CTNNBL1: variants seen among roughly 807,000 people sequenced by gnomAD.
CTNNBL1 encodes the protein beta-catenin-like protein 1.
Under a neutral mutation model 72.7 loss-of-function variants are expected in CTNNBL1, and 31 were observed. The ratio of observed to expected loss-of-function variants is 0.43; its 90% CI spans 0.32 to 0.58. The LOEUF is 0.58. Among genes scored for constraint, CTNNBL1 ranks in the 20% least tolerant of loss-of-function variants. The pLI, the probability that CTNNBL1 is intolerant of heterozygous loss-of-function variation, is 0.08. For missense variants in CTNNBL1, 534 were observed against 725.1 expected, an observed-to-expected ratio of 0.74 and a Z score of 3.03; for synonymous variants, 240 against 267.3, an observed-to-expected ratio of 0.90 and a Z score of 1.00.
intron 13 of CTNNBL1, among the ~76,000 whole-genome samples, chr20:37,845,738 T>C (rs148020990): frequency 8.3e-4 from 126 of 152,326 alleles, no homozygotes; most frequent in African/African-American, 2.9e-3. Context: ...TAAATTTGAA[T>C]GTCCTACACC....
At chr20:37,853,648 T>G (rs1025758972) in intron 13 of CTNNBL1, among the ~76,000 whole-genome samples, 4 of 152,250 alleles carry the variant, frequency 2.6e-5, no homozygotes, top group Non-Finnish European at 4.4e-5. Flanking sequence ...AAGTTGACAC[T>G]GTCTGTATGG....
intron 11 of CTNNBL1, among the ~76,000 whole-genome samples, chr20:37,827,407 A>AGAG (rs2072169591): frequency 6.6e-6 from 1 of 152,186 alleles, no homozygotes; most frequent in South Asian, 2.1e-4. Flanking sequence ...TTGAACTGAG[A>AGAG]GAGGACCTTA....
At chr20:37,713,700 C>G (rs2072960139) in intron 1 of CTNNBL1, among the ~76,000 whole-genome samples, 1 of 152,182 alleles carries the variant, frequency 6.6e-6, no homozygotes. Flanking sequence ...CAGGGTGTCA[C>G]AGGGATGGCG....
intron 10 of CTNNBL1, among the ~76,000 whole-genome samples, chr20:37,779,738 G>A (rs577207816): frequency 4.6e-5 from 7 of 152,038 alleles, no homozygotes; most frequent in East Asian, 1.9e-4. Flanking sequence ...TGAAAGCAGC[G>A]TATCATTCAT....
At chr20:37,860,221 G>T (rs756900570) in intron 14 of CTNNBL1, 51 bp from the exon 15 acceptor site, 6 of 1,542,846 alleles carry the variant, frequency 3.9e-6, no homozygotes, top group Non-Finnish European at 3.6e-6. Flanking sequence ...ATTCTGGTGT[G>T]TCAGGACAAA....
chr20:37,798,989 CTG>C lies in CTNNBL1; in HGVS notation c.1032-3876_1032-3875del, dbSNP rs537035147. Among the ~76,000 whole-genome samples the C allele has an allele frequency of 2.3e-3, 353 of 152,304 alleles. 3 individuals are homozygous for C. Among genetic ancestry groups the C allele is most frequent in the African/African-American group, 8.0e-3 (334 of 41,554 alleles). Reference sequence around the variant, plus strand: ...GTCCAGCTGCAGTGAAAACAAGTCTCTGTTAGAATTTTCATCTTAATACAAAA... The same window carrying C: ...GTCCAGCTGCAGTGAAAACAAGTCTCTTAGAATTTTCATCTTAATACAAAA... On this transcript the variant is annotated intron_variant, in intron 10 of 15. Coordinates refer to ENST00000361383, the MANE Select transcript of CTNNBL1 (RefSeq NM_030877.5).
In CTNNBL1 at chr20:37,775,898, C is replaced by T. The variant is rs141822742; in HGVS notation, c.751-1447C>T. On this transcript the variant is annotated intron_variant, in intron 7 of 15. Coordinates refer to ENST00000361383, the MANE Select transcript of CTNNBL1 (RefSeq NM_030877.5). ...GTCTTGTTTTAAACAAGAACCATGG[C>T]CCTTGCAATGCTAATGTATAAGTTG... 8.0e-3 allele frequency among the ~76,000 whole-genome samples: 1,214 copies of T among 152,274 alleles called. 11 individuals carry two copies. Among genetic ancestry groups the T allele is most frequent in the South Asian group, 0.047 (227 of 4,824 alleles).
chr20:37,824,227 G>A (rs147617078), intron 11 of CTNNBL1, among the ~76,000 whole-genome samples: 271 of 152,356 alleles, frequency 1.8e-3, no homozygotes, highest in African/African-American at 6.1e-3. Flanking sequence ...GCCATTACAA[G>A]GATGTGAGTT....
At chr20:37,724,452 G>A (rs571033073) in intron 1 of CTNNBL1, among the ~76,000 whole-genome samples, 1 of 152,284 alleles carries the variant, frequency 6.6e-6, no homozygotes, top group South Asian at 2.1e-4. Flanking sequence ...AACCATGGAA[G>A]GAGAGTGTAA....
chr20:37,819,065 G>A (rs901713043), intron 11 of CTNNBL1, among the ~76,000 whole-genome samples: 1 of 152,138 alleles, frequency 6.6e-6, no homozygotes, highest in African/African-American at 2.4e-5. Context: ...TATAAATTGT[G>A]TAGGGGCTTT....
chr20:37,765,242 C>G lies in CTNNBL1; in HGVS notation c.610C>G (p.Leu204Val), dbSNP rs931819059. 8.4e-5 allele frequency: 130 copies of G among 1,551,430 alleles called. No individual in the cohort carries two copies. The highest frequency in any genetic ancestry group is 1.1e-4 in the Non-Finnish European group (129 of 1,146,902). ...VALLVQNLER[L>V]DESVKEEADG... ...ACTGCTGGTACAGAATCTGGAGCGC[C>G]TGGATGAGTCTGTGAAAGAGGAGGC... The change falls in exon 6 of 16, where the codon CTG becomes GTG. Residue 204 changes from leucine to valine, a missense_variant. By Grantham distance (32) the Leu-to-Val change is conservative (BLOSUM62 1). Transcript: ENST00000361383.
At chr20:37,833,692 C>A (rs2072231354) in intron 11 of CTNNBL1, among the ~76,000 whole-genome samples, 1 of 152,172 alleles carries the variant, frequency 6.6e-6, no homozygotes, top group Admixed American at 6.5e-5. Flanking sequence ...AGCTCCATAA[C>A]CATCCTTCAC....
At chr20:37,828,561 A>G (rs981212143) in intron 11 of CTNNBL1, among the ~76,000 whole-genome samples, 2 of 152,150 alleles carry the variant, frequency 1.3e-5, no homozygotes, top group South Asian at 2.1e-4. Context: ...AGACTAATAA[A>G]ATGTGTTTCA....
chr20:37,719,495 G>A (rs547243321), intron 1 of CTNNBL1, among the ~76,000 whole-genome samples: 7 of 152,160 alleles, frequency 4.6e-5, no homozygotes, highest in African/African-American at 1.7e-4. Flanking sequence ...TGCCTTGAAG[G>A]AAAGAACATG....
At chr20:37,753,061 C>T (rs2122637918) in intron 4 of CTNNBL1, among the ~76,000 whole-genome samples, 1 of 152,270 alleles carries the variant, frequency 6.6e-6, no homozygotes, top group Middle Eastern at 3.4e-3. Flanking sequence ...GAGAGTTTGT[C>T]TGTCTTTAGT....
At chr20:37,710,782 A>G (rs900424439) in intron 1 of CTNNBL1, among the ~76,000 whole-genome samples, 1 of 152,106 alleles carries the variant, frequency 6.6e-6, no homozygotes, top group African/African-American at 2.4e-5. Context: ...CCTTATATCC[A>G]TATACACACA....
intron 10 of CTNNBL1, among the ~76,000 whole-genome samples, chr20:37,783,770 C>T (rs2073647358): frequency 6.6e-6 from 1 of 152,156 alleles, no homozygotes; most frequent in African/African-American, 2.4e-5. Context: ...TGTTTTGTGG[C>T]CTAACACATG....
chr20:37,729,299 T>A (rs1334833800), intron 1 of CTNNBL1, among the ~76,000 whole-genome samples: 1 of 152,168 alleles, frequency 6.6e-6, no homozygotes, highest in Non-Finnish European at 1.5e-5. Context: ...TCTCCCTGTT[T>A]ATGAAATAGA....
intron 11 of CTNNBL1, among the ~76,000 whole-genome samples, chr20:37,815,473 A>G (rs1240566387): frequency 1.3e-5 from 2 of 152,076 alleles, no homozygotes; most frequent in Non-Finnish European, 2.9e-5. Context: ...ATGCGCCACC[A>G]TGCCCTGCTA....
Sources: gnomAD v4.1 joint callset for allele counts (sites outside exome capture counted in the v4.1 genomes callset) on GRCh38, gnomAD v4.1.1 for gene constraint, MANE v1.5 for transcripts, NCBI Gene and HGNC (gene_info 2026-07-23, HGNC 2026-07-21) for gene names.